The following PRKCA variants were observed in gnomAD, a reference collection of about 807,000 sequenced individuals.
The protein encoded by PRKCA is protein kinase C alpha, also known as protein kinase C alpha type.
In PRKCA, 27 loss-of-function variants were observed where a neutral mutation model predicts 87.0. The ratio of observed to expected loss-of-function variants is 0.31; its 90% CI spans 0.23 to 0.43. The LOEUF is 0.43. PRKCA is among the 20% of genes least tolerant of loss of function. The pLI, the probability that PRKCA is intolerant of heterozygous loss-of-function variation, is 1.00. For synonymous variants in PRKCA, 329 were observed against 311.1 expected (o/e 1.06, Z -0.61); for missense variants, 518 against 852.3 (o/e 0.61, Z 4.88).
At chr17:66,421,773 C>T (rs1267720013) in intron 2 of PRKCA, among the ~76,000 whole-genome samples, 1 of 151,420 alleles carries the variant, frequency 6.6e-6, no homozygotes, top group Non-Finnish European at 1.5e-5. Context: ...CAACTCCTGG[C>T]CTCAAGTGAT....
chr17:66,346,018 G>A (rs9914703), intron 2 of PRKCA, among the ~76,000 whole-genome samples: 130,485 of 152,052 alleles, frequency 0.86, 56,553 homozygotes, highest in Non-Finnish European at 0.93. Context: ...AGCATCATCT[G>A]GAAGGTGCTC....
intron 13 of PRKCA, among the ~76,000 whole-genome samples, chr17:66,759,808 C>T (rs940755613): frequency 6.6e-6 from 1 of 152,120 alleles, no homozygotes; most frequent in African/African-American, 2.4e-5. Flanking sequence ...TAGAGCAGAC[C>T]TCAGAGCAAG....
At chr17:66,621,454 GA>G (rs1305286972) in intron 3 of PRKCA, among the ~76,000 whole-genome samples, 1 of 152,118 alleles carries the variant, frequency 6.6e-6, no homozygotes, top group Non-Finnish European at 1.5e-5. Flanking sequence ...TTACTATTGT[GA>G]AACCTGTTAT....
At chr17:66,674,619 A>G (rs1293546968) in intron 5 of PRKCA, among the ~76,000 whole-genome samples, 1 of 152,202 alleles carries the variant, frequency 6.6e-6, no homozygotes, top group Non-Finnish European at 1.5e-5. Context: ...TGACATTTAG[A>G]TAGAGGTGTT....
At chr17:66,593,124 A>T (rs951698863) in intron 3 of PRKCA, among the ~76,000 whole-genome samples, 4 of 152,230 alleles carry the variant, frequency 2.6e-5, no homozygotes, top group African/African-American at 9.6e-5. Context: ...ACATTTATTT[A>T]GAGTTTAAAT....
At chr17:66,797,580 T>G (rs1023190117) in intron 16 of PRKCA, among the ~76,000 whole-genome samples, 3 of 152,208 alleles carry the variant, frequency 2.0e-5, no homozygotes, top group Non-Finnish European at 2.9e-5. Flanking sequence ...GTTCCCTGGA[T>G]CCTCACAACA....
At chr17:66,366,124 G>C (rs1039113886) in intron 2 of PRKCA, among the ~76,000 whole-genome samples, 1 of 152,080 alleles carries the variant, frequency 6.6e-6, no homozygotes, top group African/African-American at 2.4e-5. Context: ...GCTCTAAAAA[G>C]CTTCCTGCTT....
intron 2 of PRKCA, among the ~76,000 whole-genome samples, chr17:66,396,651 C>T (rs1910691012): frequency 1.7e-5 from 2 of 118,760 alleles, no homozygotes; most frequent in South Asian, 2.7e-4. Context: ...TTTTTCGTGA[C>T]AGAGTCTCGC....
intron 16 of PRKCA, among the ~76,000 whole-genome samples, chr17:66,793,200 A>C (rs1243911621): frequency 6.6e-6 from 1 of 152,182 alleles, no homozygotes; most frequent in Non-Finnish European, 1.5e-5. Context: ...GAGGACGGTC[A>C]GCTCATTGAG....
intron 2 of PRKCA, among the ~76,000 whole-genome samples, chr17:66,453,679 C>G (rs757131010): frequency 9.2e-5 from 14 of 152,016 alleles, no homozygotes; most frequent in Non-Finnish European, 1.9e-4. Flanking sequence ...TGCTGTAGGT[C>G]GAATTGGTTT....
At chr17:66,484,744 A>G (rs1915924924) in intron 2 of PRKCA, among the ~76,000 whole-genome samples, 1 of 152,192 alleles carries the variant, frequency 6.6e-6, no homozygotes, top group African/African-American at 2.4e-5. Flanking sequence ...AATAATTGTC[A>G]ACTATTACCA....
chr17:66,790,995 T>G (rs903045434), intron 16 of PRKCA, among the ~76,000 whole-genome samples: 10 of 151,164 alleles, frequency 6.6e-5, no homozygotes, highest in African/African-American at 1.2e-4. Context: ...TTGCTGGTTT[T>G]TTTTTTTTTT....
intron 2 of PRKCA, among the ~76,000 whole-genome samples, chr17:66,377,637 T>TTA (rs202097437): frequency 1.4e-5 from 2 of 144,594 alleles, no homozygotes; most frequent in African/African-American, 5.1e-5. Context: ...TATGTCTATA[T>TTA]TATATATATA....
At chr17:66,653,553 T>C (rs1269494795) in intron 5 of PRKCA, among the ~76,000 whole-genome samples, 1 of 152,170 alleles carries the variant, frequency 6.6e-6, no homozygotes, top group African/African-American at 2.4e-5. Context: ...ATGGCGCCAC[T>C]GCATGCCAGC....
At chr17:66,441,856 T>G (rs1913782180) in intron 2 of PRKCA, among the ~76,000 whole-genome samples, 1 of 152,144 alleles carries the variant, frequency 6.6e-6, no homozygotes, top group Non-Finnish European at 1.5e-5. Flanking sequence ...GCTAATGGTG[T>G]CCTCTCTGGG....
At chr17:66,618,232 G>A (rs1297647046) in intron 3 of PRKCA, among the ~76,000 whole-genome samples, 1 of 151,844 alleles carries the variant, frequency 6.6e-6, no homozygotes. Flanking sequence ...GTGGGCGCCT[G>A]TAATTCCAGC....
At chr17:66,777,287 A>C in intron 14 of PRKCA, 1 of 985,358 alleles carries the variant, frequency 1.0e-6, no homozygotes, top group South Asian at 4.7e-5. Context: ...TGTGTCTTTC[A>C]TTATATTTCC....
At position 66,686,967 on chromosome 17, in the gene PRKCA, G is replaced by A. The variant is rs530769109; in HGVS notation, c.530-144G>A. 17 of 711,000 alleles carry A rather than the reference G, an allele frequency of 2.4e-5. No homozygotes were observed. In the South Asian group the frequency reaches 3.5e-4, roughly 15 times the overall value. The allele number at this position is 711,000 out of a possible 1,614,324, so 44.0% of individuals were successfully genotyped here. A position where few individuals can be genotyped will look rare whatever the true frequency, so the allele number is the denominator to read the frequency against. The stretch of plus-strand genomic sequence containing the variant: ...CAGCGGGTAGCTTTTCTCATGTCGA[G>A]TGTTAGAGGCTTTTGGCTTCCACCA... On this transcript the variant is annotated intron_variant, in intron 5 of 16. Transcript: ENST00000413366.
At chr17:66,522,263 A>C (rs1967186137) in intron 3 of PRKCA, among the ~76,000 whole-genome samples, 1 of 152,244 alleles carries the variant, frequency 6.6e-6, no homozygotes, top group Non-Finnish European at 1.5e-5. Context: ...GTGGAACCTG[A>C]CTATGGCAGG....
Sources: gnomAD v4.1 joint callset for allele counts (sites outside exome capture counted in the v4.1 genomes callset) on GRCh38, gnomAD v4.1.1 for gene constraint, MANE v1.5 for transcripts, NCBI Gene and HGNC (gene_info 2026-07-23, HGNC 2026-07-21) for gene names.